The following WFDC1 variants were observed in gnomAD, a reference collection of about 807,000 sequenced individuals.
WFDC1 encodes WAP four-disulfide core domain protein 1.
In WFDC1, 39 loss-of-function variants were observed where a neutral mutation model predicts 32.9. The ratio of observed to expected loss-of-function variants is 1.19; its 90% CI spans 0.92 to 1.55. The LOEUF (loss-of-function observed/expected upper bound fraction) is 1.55. Among genes scored for constraint, WFDC1 ranks in the 40% most tolerant of loss-of-function variants. The probability of loss-of-function intolerance (pLI) is 0.00; values close to 1 mark genes in which losing one functional copy is unlikely to be tolerated. For synonymous variants in WFDC1, 184 were observed against 137.4 expected (o/e 1.34, Z -2.37); for missense variants, 386 against 309.5 (o/e 1.25, Z -1.85).
intron 1 of WFDC1, among the ~76,000 whole-genome samples, chr16:84,296,404 T>G (rs1906599864): frequency 1.3e-5 from 2 of 152,198 alleles, no homozygotes; most frequent in South Asian, 4.1e-4. Flanking sequence ...GTGGGTGAAT[T>G]ATGAGCGGCT....
intron 1 of WFDC1, among the ~76,000 whole-genome samples, chr16:84,304,976 C>T (rs909875749): frequency 6.6e-6 from 1 of 152,192 alleles, no homozygotes; most frequent in Non-Finnish European, 1.5e-5. Flanking sequence ...GTTCCAGGCT[C>T]CTGGGTCAGG....
At chr16:84,322,527 T>A (rs2151379576) in intron 4 of WFDC1, among the ~76,000 whole-genome samples, 1 of 152,312 alleles carries the variant, frequency 6.6e-6, no homozygotes, top group East Asian at 1.9e-4. Context: ...GTTAAAAAAC[T>A]ACCGTTACAT....
chr16:84,302,330 C>T (rs186932592), intron 1 of WFDC1, among the ~76,000 whole-genome samples: 9 of 152,256 alleles, frequency 5.9e-5, no homozygotes, highest in African/African-American at 1.7e-4. Flanking sequence ...GCCGCCAACT[C>T]GCACACTTAA....
At chr16:84,326,763 G>C (rs373105917) in intron 5 of WFDC1, 119 bp from the exon 6 acceptor site, 23 of 1,165,840 alleles carry the variant, frequency 2.0e-5, no homozygotes, top group East Asian at 9.4e-5. Flanking sequence ...GACCTCAGCT[G>C]GGGGAGGGAG....
intron 1 of WFDC1, among the ~76,000 whole-genome samples, chr16:84,302,605 T>C (rs1907008305): frequency 6.6e-6 from 1 of 152,184 alleles, no homozygotes. Context: ...CCCTTAAATG[T>C]TTACATAAGA....
chr16:84,319,507 C>T lies in WFDC1; in HGVS notation c.498C>T (p.Ser166=). 1 of 1,612,902 alleles carries T rather than the reference C, an allele frequency of 6.2e-7. No homozygotes were observed. Among genetic ancestry groups the T allele is most frequent in the Non-Finnish European group, 8.5e-7 (1 of 1,179,950 alleles). Residue 166 remains serine, a synonymous_variant, in exon 4 of 7, where the codon AGC becomes AGT. Coordinates refer to ENST00000219454, the MANE Select transcript of WFDC1 (RefSeq NM_021197.4). Reference sequence around the variant, plus strand: ...CGGGCTATGAGTGCCACATCCTGAGCCCAGGTGACGTGGCCGAAGGTATCC... The same window carrying T: ...CGGGCTATGAGTGCCACATCCTGAGTCCAGGTGACGTGGCCGAAGGTATCC... ...CPSGYECHIL[S]PGDVAEGIPN...
At chr16:84,322,924 G>A (rs991787676) in intron 4 of WFDC1, among the ~76,000 whole-genome samples, 1 of 152,268 alleles carries the variant, frequency 6.6e-6, no homozygotes, top group Non-Finnish European at 1.5e-5. Context: ...GCCTTGAGTG[G>A]GAGGCAATTT....
At position 84,326,897 on chromosome 16, in the gene WFDC1, A is replaced by G. The variant is rs773161358; in HGVS notation, c.620A>G (p.Asn207Ser). The G allele has an allele frequency of 4.3e-6, 7 of 1,614,008 alleles. No homozygotes were observed. In the African/African-American group the frequency reaches 9.3e-5, roughly 22 times the overall value. Reference protein sequence around the residue: ...YKEYPEGDSKNVAEPGRGQQK... With the variant: ...YKEYPEGDSKSVAEPGRGQQK... ...CTTTTCACAGAAGGTGACTCAAAGA[A>G]TGTGGCAGAACCTGGAAGGGGACAA... Residue 207 changes from asparagine to serine, a missense_variant, in exon 6 of 7, where the codon AAT becomes AGT. By Grantham distance (46) the Asn-to-Ser change is conservative. Transcript: ENST00000219454.
At chr16:84,312,635 C>T (rs1297344293) in intron 1 of WFDC1, among the ~76,000 whole-genome samples, 1 of 151,976 alleles carries the variant, frequency 6.6e-6, no homozygotes, top group Admixed American at 6.6e-5. Flanking sequence ...CACATATATA[C>T]CACATATATT....
chr16:84,298,696 G>A (rs1038193114), intron 1 of WFDC1, among the ~76,000 whole-genome samples: 7 of 152,172 alleles, frequency 4.6e-5, no homozygotes, highest in Admixed American at 1.3e-4. Flanking sequence ...CTCGTCCCCC[G>A]GCAGAGTGAG....
intron 1 of WFDC1, among the ~76,000 whole-genome samples, chr16:84,307,114 G>A (rs1375974495): frequency 6.6e-6 from 1 of 152,152 alleles, no homozygotes; most frequent in East Asian, 1.9e-4. Context: ...GAATGAGTAA[G>A]GAGGGGAGTG....
chr16:84,302,145 C>T (rs938382878), intron 1 of WFDC1, among the ~76,000 whole-genome samples: 9 of 152,112 alleles, frequency 5.9e-5, no homozygotes, highest in Non-Finnish European at 1.2e-4. Flanking sequence ...TTGGATGCAA[C>T]GTCCAGAAGA....
Position 84,319,463 on chromosome 16 carries a change from G to T in WFDC1, c.454G>T (p.Glu152Ter). The change falls in exon 4 of 7, where the codon GAA becomes TAA. Residue 152 changes from glutamate (E) to a stop codon, truncating the protein, a stop_gained. Coordinates refer to ENST00000219454, the MANE Select transcript of WFDC1 (RefSeq NM_021197.4). LOFTEE classifies it high-confidence loss of function. ...EACSTTEDGA[E>*]PLLCPSGYEC... Reference sequence around the variant, plus strand: ...GTGCAGCACCACGGAGGATGGGGCCGAACCCCTGCTCTGTCCCTCGGGCTA... The same window carrying T: ...GTGCAGCACCACGGAGGATGGGGCCTAACCCCTGCTCTGTCCCTCGGGCTA... The T allele has an allele frequency of 6.2e-7, 1 of 1,611,774 alleles. No homozygotes were observed. Among genetic ancestry groups the T allele is most frequent in the East Asian group, 2.2e-5 (1 of 44,870 alleles).
chr16:84,307,888 G>A (rs1015901116), intron 1 of WFDC1, among the ~76,000 whole-genome samples: 1 of 152,168 alleles, frequency 6.6e-6, no homozygotes, highest in African/African-American at 2.4e-5. Context: ...AAAGTTATTG[G>A]TGGTGGTTAC....
At chr16:84,313,957 A>C (rs895304730) in intron 2 of WFDC1, among the ~76,000 whole-genome samples, 6 of 152,122 alleles carry the variant, frequency 3.9e-5, no homozygotes, top group African/African-American at 1.4e-4. Flanking sequence ...CAGGAGAATC[A>C]CTTGAACCCA....
intron 1 of WFDC1, among the ~76,000 whole-genome samples, chr16:84,303,540 T>C (rs1457501672): frequency 1.3e-5 from 2 of 152,192 alleles, no homozygotes; most frequent in African/African-American, 4.8e-5. Context: ...ATCTGAATTC[T>C]TCCTCCAAGA....
intron 6 of WFDC1, chr16:84,328,010 G>C (rs1175511640): frequency 6.5e-6 from 1 of 153,236 alleles, no homozygotes; most frequent in East Asian, 1.9e-4. Context: ...GAGTCCCTGG[G>C]CAGGAGCAGA....
chr16:84,310,147 C>T (rs757941597), intron 1 of WFDC1, among the ~76,000 whole-genome samples: 7 of 151,486 alleles, frequency 4.6e-5, no homozygotes, highest in Non-Finnish European at 8.8e-5. Flanking sequence ...AATGCGATGG[C>T]GGATTTCTAT....
chr16:84,328,955 GAAA>G, intron 6 of WFDC1: 1 of 148,202 alleles, frequency 6.7e-6, no homozygotes, highest in Non-Finnish European at 1.5e-5. Flanking sequence ...CCTGTTTCAA[GAAA>G]AAAAAAAAGT....
Sources: allele counts gnomAD v4.1 joint callset (sites outside exome capture counted in the v4.1 genomes callset), GRCh38; gene constraint gnomAD v4.1.1; transcripts MANE v1.5; gene names NCBI Gene and HGNC (gene_info 2026-07-23, HGNC 2026-07-21).